Variants in PDZRN4 observed in about 807,000 individuals in gnomAD.
PDZRN4 encodes PDZ domain containing ring finger 4.
A neutral mutation model predicts 99.0 loss-of-function variants in PDZRN4; 70 were observed. The ratio of observed to expected loss-of-function variants is 0.71; its 90% CI spans 0.58 to 0.86. PDZRN4 has a LOEUF of 0.86. Ranked by LOEUF, PDZRN4 falls within the 40% of genes least tolerant of loss-of-function variation. The pLI, the probability that PDZRN4 is intolerant of heterozygous loss-of-function variation, is 0.00. For missense variants in PDZRN4, 1,474 were observed against 1,331.2 expected, an observed-to-expected ratio of 1.11 and a Z score of -1.67; for synonymous variants, 551 against 501.6, an observed-to-expected ratio of 1.10 and a Z score of -1.32.
intron 5 of PDZRN4, among the ~76,000 whole-genome samples, chr12:41,524,722 A>T (rs1938544020): frequency 6.6e-6 from 1 of 152,158 alleles, no homozygotes; most frequent in Admixed American, 6.5e-5. Flanking sequence ...AAACAGCATG[A>T]TTTCTATTTT....
chr12:41,227,636 T>G (rs1431116), intron 3 of PDZRN4, among the ~76,000 whole-genome samples: 104,853 of 151,840 alleles, frequency 0.69, 36,456 homozygotes, highest in South Asian at 0.76. Context: ...TTGCACTCCA[T>G]CCTTGACAAC....
At chr12:41,463,008 C>T (rs891446666) in intron 3 of PDZRN4, among the ~76,000 whole-genome samples, 1 of 152,118 alleles carries the variant, frequency 6.6e-6, no homozygotes, top group Non-Finnish European at 1.5e-5. Flanking sequence ...TAGGCACAGC[C>T]TTGTCACCCT....
At chr12:41,480,461 T>C (rs530902282) in intron 3 of PDZRN4, among the ~76,000 whole-genome samples, 3 of 152,316 alleles carry the variant, frequency 2.0e-5, no homozygotes, top group African/African-American at 7.2e-5. Context: ...TGATTCTGGG[T>C]TGGACATCAA....
intron 3 of PDZRN4, among the ~76,000 whole-genome samples, chr12:41,284,958 A>C (rs1018115557): frequency 2.0e-5 from 3 of 152,206 alleles, no homozygotes; most frequent in Admixed American, 6.5e-5. Flanking sequence ...CAAGGACTTC[A>C]TGACTAAAAC....
intron 2 of PDZRN4, among the ~76,000 whole-genome samples, chr12:41,193,055 A>T (rs1950745690): frequency 6.6e-6 from 1 of 152,226 alleles, no homozygotes. Flanking sequence ...TGCTCTGTTT[A>T]GGTAAGGATG....
rs185046096 is a variant in PDZRN4, at chr12:41,232,862, G to A, written c.843+38674G>A. ...TAATTTTCGTATAAAGTGTAAGGAA[G>A]GGATCCAGTTTCAGCTTTCTACATA... On this transcript the variant is annotated intron_variant, in intron 3 of 9. Transcript: ENST00000402685. 5.1e-3 allele frequency among the ~76,000 whole-genome samples: 784 copies of A among 152,238 alleles called. 4 individuals are homozygous for A. Among genetic ancestry groups the A allele is most frequent in the Middle Eastern group, 0.02 (6 of 294 alleles).
intron 3 of PDZRN4, among the ~76,000 whole-genome samples, chr12:41,198,515 A>G (rs1950793351): frequency 6.8e-6 from 1 of 148,098 alleles, no homozygotes; most frequent in South Asian, 2.2e-4. Flanking sequence ...TCTATTTTTT[A>G]CCTTGAAATT....
chr12:41,333,314 G>A (rs1472966887), intron 3 of PDZRN4, among the ~76,000 whole-genome samples: 2 of 152,054 alleles, frequency 1.3e-5, no homozygotes, highest in African/African-American at 4.8e-5. Flanking sequence ...CAGCAGCTGT[G>A]TGCTCCAGCA....
chr12:41,430,727 TAAC>T (rs550418953), intron 3 of PDZRN4, among the ~76,000 whole-genome samples: 1 of 152,138 alleles, frequency 6.6e-6, no homozygotes, highest in African/African-American at 2.4e-5. Flanking sequence ...AGATTTAACA[TAAC>T]AAAAATTGTA....
At chr12:41,286,134 T>C (rs879844475) in intron 3 of PDZRN4, among the ~76,000 whole-genome samples, 3 of 151,944 alleles carry the variant, frequency 2.0e-5, no homozygotes, top group Admixed American at 6.6e-5. Flanking sequence ...AGATCAAGAG[T>C]TGTCACACTA....
chr12:41,243,753 T>TA (rs1180702386), intron 3 of PDZRN4, among the ~76,000 whole-genome samples: 3 of 152,218 alleles, frequency 2.0e-5, no homozygotes, highest in African/African-American at 7.2e-5. Flanking sequence ...CACTGCCTGA[T>TA]AGCTAATTCA....
intron 3 of PDZRN4, among the ~76,000 whole-genome samples, chr12:41,326,979 TTCTC>T (rs1317028478): frequency 3.9e-5 from 6 of 152,194 alleles, no homozygotes; most frequent in Non-Finnish European, 8.8e-5. Context: ...ACTGAATTAT[TTCTC>T]TCTCCATTTT....
intron 3 of PDZRN4, among the ~76,000 whole-genome samples, chr12:41,392,308 A>AAC (rs146887438): frequency 6.6e-6 from 1 of 151,982 alleles, no homozygotes; most frequent in African/African-American, 2.4e-5. Context: ...TGTACATACA[A>AAC]ACACACACAC....
At chr12:41,223,257 T>A (rs1223662390) in intron 3 of PDZRN4, among the ~76,000 whole-genome samples, 1 of 152,142 alleles carries the variant, frequency 6.6e-6, no homozygotes, top group Non-Finnish European at 1.5e-5. Context: ...ATATAATAAA[T>A]AAATTACTTT....
At chr12:41,326,729 G>A (rs1217049988) in intron 3 of PDZRN4, among the ~76,000 whole-genome samples, 1 of 152,124 alleles carries the variant, frequency 6.6e-6, no homozygotes, top group African/African-American at 2.4e-5. Context: ...GTCCTAACTA[G>A]ATGCACATGA....
At chr12:41,535,098 T>C (rs1265725100) in intron 5 of PDZRN4, among the ~76,000 whole-genome samples, 1 of 152,242 alleles carries the variant, frequency 6.6e-6, no homozygotes, top group African/African-American at 2.4e-5. Flanking sequence ...TTCTTCATGT[T>C]AGTTATTTTT....
intron 3 of PDZRN4, among the ~76,000 whole-genome samples, chr12:41,480,217 T>A (rs996939307): frequency 1.3e-5 from 2 of 152,086 alleles, no homozygotes. Flanking sequence ...TGGCCTGGAG[T>A]CCTTTCTAAG....
chr12:41,428,944 G>C (rs974092030), intron 3 of PDZRN4, among the ~76,000 whole-genome samples: 3 of 152,182 alleles, frequency 2.0e-5, no homozygotes, highest in African/African-American at 7.2e-5. Context: ...CCAAGGCAAT[G>C]CTCAAACCTC....
intron 7 of PDZRN4, among the ~76,000 whole-genome samples, chr12:41,559,216 C>T (rs1276798366): frequency 6.6e-6 from 1 of 152,024 alleles, no homozygotes; most frequent in African/African-American, 2.4e-5. Context: ...CGTGCTGTCA[C>T]ACAAAGGGGA....
Sources: allele counts gnomAD v4.1 joint callset (sites outside exome capture counted in the v4.1 genomes callset), GRCh38; gene constraint gnomAD v4.1.1; transcripts MANE v1.5; gene names NCBI Gene and HGNC (gene_info 2026-07-23, HGNC 2026-07-21).